EXOC4: variants seen among roughly 807,000 people sequenced by gnomAD.
EXOC4 encodes SEC8-like 1.
A neutral mutation model predicts 107.2 loss-of-function variants in EXOC4; 71 were observed. That is an observed-to-expected ratio of 0.66 (90% CI 0.55 to 0.81). EXOC4 has a LOEUF of 0.81. Among genes scored for constraint, EXOC4 ranks in the 30% least tolerant of loss-of-function variants. The probability of loss-of-function intolerance (pLI) is 0.00; values close to 1 mark genes in which losing one functional copy is unlikely to be tolerated. For synonymous variants in EXOC4, 456 were observed against 441.2 expected (o/e 1.03, Z -0.42); for missense variants, 1,108 against 1,189.6 (o/e 0.93, Z 1.01).
intron 10 of EXOC4, among the ~76,000 whole-genome samples, chr7:133,709,273 T>A (rs567849578): frequency 2.6e-5 from 4 of 152,284 alleles, no homozygotes; most frequent in South Asian, 4.1e-4. Context: ...TGTGGAGGAA[T>A]AGGACGTAGG....
chr7:133,703,039 C>A (rs1330436809), intron 10 of EXOC4, among the ~76,000 whole-genome samples: 1 of 152,216 alleles, frequency 6.6e-6, no homozygotes, highest in Admixed American at 6.5e-5. Flanking sequence ...CTTCTTCCAG[C>A]ATACTGATGA....
chr7:133,848,922 A>G (rs939610623), intron 11 of EXOC4, among the ~76,000 whole-genome samples: 1 of 152,202 alleles, frequency 6.6e-6, no homozygotes, highest in Admixed American at 6.5e-5. Context: ...GAGTAAAAAT[A>G]TGTTTAAGTA....
At chr7:133,319,799 G>C (rs945236910) in intron 5 of EXOC4, among the ~76,000 whole-genome samples, 1 of 150,394 alleles carries the variant, frequency 6.6e-6, no homozygotes, top group Non-Finnish European at 1.5e-5. Context: ...TTTTTAGATG[G>C]GTTCATTTCC....
intron 9 of EXOC4, among the ~76,000 whole-genome samples, chr7:133,584,390 A>G (rs1801347232): frequency 6.6e-6 from 1 of 152,096 alleles, no homozygotes; most frequent in Non-Finnish European, 1.5e-5. Context: ...TATTCACTCA[A>G]GATTGCATCA....
At chr7:134,007,545 A>C in intron 16 of EXOC4, 131 bp from the exon 17 acceptor site, 1 of 750,686 alleles carries the variant, frequency 1.3e-6, no homozygotes, top group South Asian at 3.2e-5. Flanking sequence ...TGCAACCATC[A>C]GAGGTAGATT....
At chr7:133,301,325 C>T (rs980192697) in intron 3 of EXOC4, among the ~76,000 whole-genome samples, 1 of 152,128 alleles carries the variant, frequency 6.6e-6, no homozygotes, top group Non-Finnish European at 1.5e-5. Context: ...TGAGACTGCT[C>T]AAAAAGTTTG....
intron 10 of EXOC4, among the ~76,000 whole-genome samples, chr7:133,752,743 T>A (rs1795820424): frequency 6.6e-6 from 1 of 152,212 alleles, no homozygotes; most frequent in Admixed American, 6.5e-5. Context: ...TGATGGGGTA[T>A]GGAGAGAAGG....
chr7:133,337,424 CTG>C (rs924874450), intron 5 of EXOC4, among the ~76,000 whole-genome samples: 8 of 151,806 alleles, frequency 5.3e-5, no homozygotes, highest in African/African-American at 1.7e-4. Flanking sequence ...ATAATTTTTT[CTG>C]TGTTTTTTCC....
chr7:133,855,088 TATAAATATATATATAA>T (rs1387045463), intron 11 of EXOC4, among the ~76,000 whole-genome samples: 10 of 89,828 alleles, frequency 1.1e-4, no homozygotes, highest in African/African-American at 5.0e-4. Context: ...TCTAAATATA[TATAAATATATATATAA>T]ATATATATAA....
intron 10 of EXOC4, among the ~76,000 whole-genome samples, chr7:133,762,890 AT>A (rs1044630916): frequency 3.9e-5 from 6 of 151,912 alleles, no homozygotes; most frequent in East Asian, 1.9e-4. Flanking sequence ...TTTAAGAAAT[AT>A]TTTTTCTTTG....
intron 12 of EXOC4, among the ~76,000 whole-genome samples, chr7:133,910,093 T>TG (rs1799657550): frequency 6.6e-6 from 1 of 150,792 alleles, no homozygotes. Flanking sequence ...TCAGCTAATT[T>TG]GTATTTTTAG....
chr7:133,434,847 T>C (rs997151914), intron 7 of EXOC4, among the ~76,000 whole-genome samples: 8 of 152,350 alleles, frequency 5.3e-5, no homozygotes, highest in Non-Finnish European at 1.0e-4. Flanking sequence ...TTTTTTGTCT[T>C]CAATGGCTAT....
At chr7:133,925,736 G>T (rs1800035458) in intron 13 of EXOC4, among the ~76,000 whole-genome samples, 1 of 152,116 alleles carries the variant, frequency 6.6e-6, no homozygotes. Flanking sequence ...AAAACCTACA[G>T]ATTAGTCTTG....
intron 14 of EXOC4, among the ~76,000 whole-genome samples, chr7:133,963,852 A>T (rs917770050): frequency 6.6e-6 from 1 of 152,186 alleles, no homozygotes; most frequent in African/African-American, 2.4e-5. Context: ...TGGGGCCATT[A>T]TCTACATAAG....
intron 7 of EXOC4, among the ~76,000 whole-genome samples, chr7:133,438,835 C>G (rs1225673136): frequency 6.6e-6 from 1 of 152,158 alleles, no homozygotes; most frequent in Non-Finnish European, 1.5e-5. Flanking sequence ...TCTTGCAGTG[C>G]TTATAGTATG....
At chr7:133,860,034 T>C (rs1467258706) in intron 11 of EXOC4, among the ~76,000 whole-genome samples, 1 of 152,186 alleles carries the variant, frequency 6.6e-6, no homozygotes, top group Non-Finnish European at 1.5e-5. Context: ...ATTGCCACTT[T>C]TGTAGGTCAA....
At chr7:133,807,471 A>G (rs1450230971) in intron 10 of EXOC4, among the ~76,000 whole-genome samples, 1 of 152,190 alleles carries the variant, frequency 6.6e-6, no homozygotes, top group Non-Finnish European at 1.5e-5. Flanking sequence ...GGTCAAACTG[A>G]TATGGGGCAC....
chr7:133,649,467 C>CTTTTTTTTTTTT (rs61225754), intron 10 of EXOC4, among the ~76,000 whole-genome samples: 2 of 85,390 alleles, frequency 2.3e-5, no homozygotes, highest in Non-Finnish European at 4.7e-5. Flanking sequence ...ACTACTTTTT[C>CTTTTTTTTTTTT]TTTTTTTTTT....
intron 12 of EXOC4, among the ~76,000 whole-genome samples, chr7:133,906,001 G>A (rs1476883564): frequency 6.6e-6 from 1 of 152,194 alleles, no homozygotes; most frequent in Non-Finnish European, 1.5e-5. Flanking sequence ...GAGAAAGGTT[G>A]AGAAATCACA....
Sources: gnomAD v4.1 joint callset for allele counts (sites outside exome capture counted in the v4.1 genomes callset) on GRCh38, gnomAD v4.1.1 for gene constraint, MANE v1.5 for transcripts, NCBI Gene and HGNC (gene_info 2026-07-23, HGNC 2026-07-21) for gene names.